The following LAMA2 variants were observed in gnomAD, a reference collection of about 807,000 sequenced individuals.
LAMA2 encodes laminin subunit alpha-2.
Under a neutral mutation model 364.8 loss-of-function variants are expected in LAMA2, and 269 were observed. The ratio of observed to expected loss-of-function variants is 0.74; its 90% CI spans 0.67 to 0.82. LAMA2 has a LOEUF of 0.82. Ranked by LOEUF, LAMA2 falls within the 40% of genes least tolerant of loss-of-function variation. The pLI is 0.00. For synonymous variants in LAMA2, 1,379 were observed against 1,370.6 expected, an observed-to-expected ratio of 1.01 and a Z score of -0.14; for missense variants, 3,807 against 3,873.2, an observed-to-expected ratio of 0.98 and a Z score of 0.45.
intron 40 of LAMA2, among the ~76,000 whole-genome samples, chr6:129,423,949 T>C (rs1216391446): frequency 6.6e-6 from 1 of 152,056 alleles, no homozygotes; most frequent in Non-Finnish European, 1.5e-5. Flanking sequence ...AGAAAAATGT[T>C]GGAAAGGTTA....
At chr6:129,177,163 T>C (rs896028832) in intron 9 of LAMA2, among the ~76,000 whole-genome samples, 10 of 152,238 alleles carry the variant, frequency 6.6e-5, no homozygotes, top group Non-Finnish European at 1.5e-4. Context: ...CCCTCATCTA[T>C]TGCTTCTTAT....
chr6:129,343,504 C>T (rs1347051467), intron 30 of LAMA2, among the ~76,000 whole-genome samples: 1 of 152,110 alleles, frequency 6.6e-6, no homozygotes, highest in Non-Finnish European at 1.5e-5. Flanking sequence ...TATACATGGT[C>T]TTATTGTTCA....
In LAMA2 at chr6:129,004,827, A is replaced by G. The variant is rs192504843; in HGVS notation, c.113-45091A>G. Among the ~76,000 whole-genome samples, 9 of 152,220 alleles carry G rather than the reference A, an allele frequency of 5.9e-5. 1 individual carries two copies. The highest frequency in any genetic ancestry group is 5.9e-4 in the Admixed American group (9 of 15,282). On this transcript the variant is annotated intron_variant, in intron 1 of 64. Transcript: ENST00000421865. ...CTAATTAATATATCCTTGATTCTTC[A>G]TAATATTCTATTAACCAGCACTTAA...
In LAMA2 at chr6:129,023,471, G is replaced by T. The variant is rs146216782; in HGVS notation, c.113-26447G>T. ...AACACTTCCATGGTATCTATTTCAA[G>T]TGTATTTTGAAAAGTCTAACATCTA... On this transcript the variant is annotated intron_variant, in intron 1 of 64. Coordinates refer to ENST00000421865, the MANE Select transcript of LAMA2 (RefSeq NM_000426.4). 6.1e-3 allele frequency among the ~76,000 whole-genome samples: 923 copies of T among 152,164 alleles called. 8 individuals are homozygous for T. Among genetic ancestry groups the T allele is most frequent in the African/African-American group, 0.021 (881 of 41,512 alleles).
chr6:129,045,426 T>C (rs1787410825), intron 1 of LAMA2, among the ~76,000 whole-genome samples: 1 of 152,222 alleles, frequency 6.6e-6, no homozygotes, highest in African/African-American at 2.4e-5. Flanking sequence ...ACAAGAAGTC[T>C]TGTAAGCTTT....
At chr6:129,327,516 G>A (rs1775371519) in intron 28 of LAMA2, among the ~76,000 whole-genome samples, 1 of 152,186 alleles carries the variant, frequency 6.6e-6, no homozygotes, top group Admixed American at 6.5e-5. Context: ...AATGTCTGCA[G>A]CTATGCATGA....
At chr6:129,325,728 G>A (rs1775239154) in intron 28 of LAMA2, among the ~76,000 whole-genome samples, 1 of 152,098 alleles carries the variant, frequency 6.6e-6, no homozygotes, top group Non-Finnish European at 1.5e-5. Flanking sequence ...GTGGGATGAG[G>A]AAACTGGGTC....
intron 19 of LAMA2, among the ~76,000 whole-genome samples, chr6:129,289,448 G>A (rs1415295154): frequency 6.6e-6 from 1 of 152,136 alleles, no homozygotes; most frequent in East Asian, 1.9e-4. Context: ...TCCTGGAGAT[G>A]CTCACACATG....
At chr6:129,206,698 C>A (rs911944724) in intron 12 of LAMA2, among the ~76,000 whole-genome samples, 3 of 152,210 alleles carry the variant, frequency 2.0e-5, no homozygotes, top group African/African-American at 7.2e-5. Context: ...AAAGCAGTTG[C>A]TCTCTTTCCT....
chr6:129,478,184 G>T (rs1325213418), intron 53 of LAMA2, among the ~76,000 whole-genome samples: 2 of 152,056 alleles, frequency 1.3e-5, no homozygotes, highest in Admixed American at 6.5e-5. Flanking sequence ...GCCTTAAAGA[G>T]ATATGTAATA....
At chr6:129,511,251 A>G (rs1229700480) in intron 62 of LAMA2, among the ~76,000 whole-genome samples, 2 of 151,962 alleles carry the variant, frequency 1.3e-5, no homozygotes, top group East Asian at 1.9e-4. Flanking sequence ...CAGCGACCCA[A>G]TCACTGGGGC....
At chr6:129,238,172 CA>C (rs202051106) in intron 12 of LAMA2, among the ~76,000 whole-genome samples, 9,793 of 118,956 alleles carry the variant, frequency 0.082, 555 homozygotes, top group East Asian at 0.19. Flanking sequence ...GACTCCATCT[CA>C]AAAAAAAAAA....
At chr6:129,225,504 A>G (rs1784191607) in intron 12 of LAMA2, among the ~76,000 whole-genome samples, 1 of 152,140 alleles carries the variant, frequency 6.6e-6, no homozygotes, top group African/African-American at 2.4e-5. Flanking sequence ...CACTGCTTTA[A>G]ATGTGTCCCA....
intron 1 of LAMA2, among the ~76,000 whole-genome samples, chr6:128,916,105 G>C (rs933705093): frequency 3.9e-5 from 6 of 152,018 alleles, no homozygotes; most frequent in African/African-American, 1.4e-4. Context: ...ATTGCTGCTA[G>C]TTCATCTCCG....
At chr6:129,186,372 A>C (rs1008013778) in intron 10 of LAMA2, among the ~76,000 whole-genome samples, 2 of 151,782 alleles carry the variant, frequency 1.3e-5, no homozygotes, top group African/African-American at 4.8e-5. Flanking sequence ...AGGTTCAATT[A>C]TATTCCCATC....
chr6:129,454,130 T>G (rs753165078), intron 46 of LAMA2, 25 bp from the exon 47 acceptor site: 115 of 1,607,106 alleles, frequency 7.2e-5, no homozygotes, highest in Non-Finnish European at 9.6e-5. Context: ...CTGATATCTC[T>G]TGTTTTTGTA....
At chr6:129,298,680 T>C (rs573302500) in intron 21 of LAMA2, among the ~76,000 whole-genome samples, 1 of 152,340 alleles carries the variant, frequency 6.6e-6, no homozygotes, top group South Asian at 2.1e-4. Flanking sequence ...TAAAACATTG[T>C]TATTCACTGT....
chr6:129,255,034 G>GT (rs1276807848), intron 14 of LAMA2, among the ~76,000 whole-genome samples: 12 of 146,270 alleles, frequency 8.2e-5, no homozygotes, highest in African/African-American at 2.8e-4. Flanking sequence ...TAGAAATGAT[G>GT]TATTTTTTTT....
At chr6:129,296,369 C>A (rs1391920968) in intron 20 of LAMA2, among the ~76,000 whole-genome samples, 1 of 151,806 alleles carries the variant, frequency 6.6e-6, no homozygotes, top group Non-Finnish European at 1.5e-5. Flanking sequence ...AAAGTCATGT[C>A]ATCTGTTGGA....
Sources: gnomAD v4.1 joint callset for allele counts (sites outside exome capture counted in the v4.1 genomes callset) on GRCh38, gnomAD v4.1.1 for gene constraint, MANE v1.5 for transcripts, NCBI Gene and HGNC (gene_info 2026-07-23, HGNC 2026-07-21) for gene names.